Variants in DPP6 observed in about 807,000 individuals in gnomAD.
DPP6 encodes dipeptidyl peptidase like 6, also known as A-type potassium channel modulatory protein DPP6.
In DPP6, 69 loss-of-function variants were observed where a neutral mutation model predicts 122.6. That is an observed-to-expected ratio of 0.56 (90% CI 0.46 to 0.69). The LOEUF is 0.69. Among genes scored for constraint, DPP6 ranks in the 30% least tolerant of loss-of-function variants. The probability of loss-of-function intolerance (pLI) is 0.00; values close to 1 mark genes in which losing one functional copy is unlikely to be tolerated. For synonymous variants in DPP6, 418 were observed against 433.1 expected (o/e 0.97, Z 0.43); for missense variants, 928 against 1,116.9 (o/e 0.83, Z 2.41).
chr7:154,098,514 G>A (rs542754469), intron 1 of DPP6, among the ~76,000 whole-genome samples: 2 of 152,160 alleles, frequency 1.3e-5, no homozygotes, highest in East Asian at 3.9e-4. Flanking sequence ...GGTAATTAGA[G>A]GGGCCTCCAA....
intron 6 of DPP6, among the ~76,000 whole-genome samples, chr7:154,658,471 G>A (rs765774616): frequency 1.3e-5 from 2 of 152,198 alleles, no homozygotes; most frequent in South Asian, 2.1e-4. Context: ...TGGCCGAGAC[G>A]GAAAGGGGAT....
intron 5 of DPP6, among the ~76,000 whole-genome samples, chr7:154,635,428 A>T (rs1320868683): frequency 1.3e-5 from 2 of 152,206 alleles, no homozygotes; most frequent in African/African-American, 2.4e-5. Context: ...TTAACAAGGA[A>T]TTTATCTGTT....
At chr7:154,713,187 C>T (rs1181781834) in intron 7 of DPP6, among the ~76,000 whole-genome samples, 3 of 152,238 alleles carry the variant, frequency 2.0e-5, no homozygotes, top group Non-Finnish European at 4.4e-5. Flanking sequence ...AAGTGAGCGC[C>T]CATGGGGGCA....
chr7:154,785,287 G>A (rs977990735), intron 10 of DPP6, among the ~76,000 whole-genome samples: 2 of 152,130 alleles, frequency 1.3e-5, no homozygotes, highest in Non-Finnish European at 2.9e-5. Flanking sequence ...AGATGGAGAT[G>A]ACTTTTCACT....
intron 1 of DPP6, among the ~76,000 whole-genome samples, chr7:153,975,152 G>T (rs1218485151): frequency 6.6e-6 from 1 of 152,034 alleles, no homozygotes; most frequent in Admixed American, 6.6e-5. Flanking sequence ...TCTTAAATTT[G>T]CTAGGACTGG....
At position 153,938,773 on chromosome 7, in the gene DPP6, T is replaced by G. The variant is rs549046131; in HGVS notation, c.51+51039T>G. Among the ~76,000 whole-genome samples, 8 of 152,282 alleles carry G rather than the reference T, an allele frequency of 5.3e-5. No individual in the cohort carries two copies. The South Asian group carries it at 1.4e-3, about 28-fold the overall frequency. ...GGAAAGCAAAGAATGGTGGAAAAAT[T>G]CACATCCATAAAAGGGTTTCTAAAG... On this transcript the variant is annotated intron_variant, in intron 1 of 25. Transcript: ENST00000404039.
At chr7:153,951,417 A>G (rs775965327) in intron 1 of DPP6, among the ~76,000 whole-genome samples, 1 of 152,074 alleles carries the variant, frequency 6.6e-6, no homozygotes. Context: ...GGTGAGATAC[A>G]CGTATGGGGG....
rs549885504 is a variant in DPP6, at chr7:154,436,428, A to G, written c.244-9786A>G. Among the ~76,000 whole-genome samples the G allele has an allele frequency of 2.0e-5, 3 of 151,984 alleles. No individual in the cohort carries two copies. In the East Asian group the frequency reaches 5.8e-4, roughly 29 times the overall value. On this transcript the variant is annotated intron_variant, in intron 1 of 25. Transcript: ENST00000377770. ...AAAAATCAGCACATGCCCCATCATT[A>G]TACGCCCTCTTGACACATGGAATTC...
chr7:154,487,401 G>T (rs1378988948), intron 3 of DPP6, among the ~76,000 whole-genome samples: 2 of 152,118 alleles, frequency 1.3e-5, no homozygotes, highest in Admixed American at 6.5e-5. Context: ...GACAGGATAC[G>T]CCGTGCAGCG....
intron 1 of DPP6, among the ~76,000 whole-genome samples, chr7:153,982,010 G>A (rs1159818058): frequency 6.6e-6 from 1 of 152,302 alleles, no homozygotes; most frequent in African/African-American, 2.4e-5. Context: ...TGAATCTGAC[G>A]ATTATGTATC....
chr7:154,042,776 G>A (rs61423519), intron 1 of DPP6, among the ~76,000 whole-genome samples: 8,969 of 152,242 alleles, frequency 0.059, 307 homozygotes, highest in East Asian at 0.1. Flanking sequence ...AAAGACCAAC[G>A]ACTTCAATGG....
chr7:154,150,444 G>A (rs1355974324), intron 1 of DPP6, among the ~76,000 whole-genome samples: 1 of 152,168 alleles, frequency 6.6e-6, no homozygotes, highest in Non-Finnish European at 1.5e-5. Flanking sequence ...TTTTCTGGGA[G>A]GATATACTGA....
intron 1 of DPP6, among the ~76,000 whole-genome samples, chr7:154,181,423 T>C (rs10255846): frequency 0.027 from 4,067 of 152,286 alleles, 165 homozygotes; most frequent in African/African-American, 0.094. Flanking sequence ...CCTAGTGTTC[T>C]GCTGGTTTAT....
At chr7:154,023,318 G>GCACACACA (rs1554436897) in intron 1 of DPP6, among the ~76,000 whole-genome samples, 10,471 of 129,406 alleles carry the variant, frequency 0.081, 547 homozygotes, top group East Asian at 0.16. Context: ...TTTCTTGTCT[G>GCACACACA]CACACACACA....
the DPP6 span, among the ~76,000 whole-genome samples, chr7:153,861,221 C>A: frequency 4.8e-3 from 735 of 152,226 alleles, 7 homozygotes; most frequent in East Asian, 0.026. Flanking sequence ...ACAGTTATCA[C>A]AAACCATAAA....
the DPP6 span, among the ~76,000 whole-genome samples, chr7:153,824,386 C>CA: frequency 0.084 from 6,638 of 79,346 alleles, 456 homozygotes; most frequent in Non-Finnish European, 0.097. Flanking sequence ...GAGTCTGTCT[C>CA]AAAAAAAAAA....
chr7:153,938,267 G>C (rs1319497553), intron 1 of DPP6, among the ~76,000 whole-genome samples: 1 of 152,198 alleles, frequency 6.6e-6, no homozygotes. Flanking sequence ...GAGCAGGTAA[G>C]CTTTTCAGAT....
rs1260484862 is a variant in DPP6 at position 154,082,846 on chromosome 7, C to CTTTCTTTTTTTTTT, written c.243+29786_243+29787insCTTTTTTTTTTTTT. 1.3e-4 allele frequency among the ~76,000 whole-genome samples: 14 copies of CTTTCTTTTTTTTTT among 106,262 alleles called. 2 individuals are homozygous for CTTTCTTTTTTTTTT. The highest frequency in any genetic ancestry group is 1.5e-4 in the Non-Finnish European group (8 of 53,896). 69.7% of individuals were successfully genotyped at this position (106,262 alleles called of 152,430 possible). A position where few individuals can be genotyped will look rare whatever the true frequency, so the allele number is the denominator to read the frequency against. On this transcript the variant is annotated intron_variant, in intron 1 of 25. Coordinates refer to ENST00000377770, the MANE Select transcript of DPP6 (RefSeq NM_130797.4). ...CTGTGTGTGCCTATCTTTTCTTTTT[C>CTTTCTTTTTTTTTT]TTTTTTTTTTTTTTTTTTTTGAGAT... is the stretch of plus-strand genomic sequence containing the variant.
intron 3 of DPP6, among the ~76,000 whole-genome samples, chr7:154,510,961 CACACACACACAG>C (rs956267508): frequency 7.3e-5 from 11 of 150,212 alleles, no homozygotes; most frequent in African/African-American, 2.5e-4. Flanking sequence ...CACACACACA[CACACACACACAG>C]AGAGAGAGAG....
Sources: allele counts gnomAD v4.1 joint callset (sites outside exome capture counted in the v4.1 genomes callset), GRCh38; gene constraint gnomAD v4.1.1; transcripts MANE v1.5; gene names NCBI Gene and HGNC (gene_info 2026-07-23, HGNC 2026-07-21).